The following POTEB3 variants were observed in gnomAD, a reference collection of about 807,000 sequenced individuals.
POTEB3 encodes the protein ANKRD26-like family B member 1.
POTEB3 carries 5 observed loss-of-function variants against 39.8 expected under a neutral mutation model. That is an observed-to-expected ratio of 0.13 (90% CI 0.07 to 0.26). The LOEUF is 0.26. POTEB3 is among the 10% of genes least tolerant of loss of function. POTEB3 has a pLI of 1.00. For missense variants in POTEB3, 24 were observed against 475.6 expected (o/e 0.05, Z 8.83); for synonymous variants, 5 against 161.5 (o/e 0.03, Z 7.35).
In POTEB3 at chr15:21,418,015, G is replaced by A. The variant is rs1441691193; in HGVS notation, c.1409+1449C>T. On this transcript the variant is annotated intron_variant, in intron 9 of 10. Transcript: ENST00000611217. ...TGTAAGTAAAGAATCTTGGAACGCAGCCATGCTTATTCACTTTACAGTCCA... is the reference window on the plus strand; with the variant it reads ...TGTAAGTAAAGAATCTTGGAACGCAACCATGCTTATTCACTTTACAGTCCA... 2.7e-4 allele frequency among the ~76,000 whole-genome samples: 28 copies of A among 103,616 alleles called. 1 individual carries two copies. In the East Asian group the frequency reaches 5.6e-3, roughly 21 times the overall value. 68.0% of individuals were successfully genotyped at this position (103,616 alleles called of 152,430 possible).
At chr15:21,422,683 A>G (rs1898553753) in intron 6 of POTEB3, among the ~76,000 whole-genome samples, 1 of 148,378 alleles carries the variant, frequency 6.7e-6, no homozygotes, top group Non-Finnish European at 1.5e-5. Context: ...AAGAAAACAA[A>G]TTCCTTTACC....
chr15:21,425,052 C>T (rs1465485955), intron 6 of POTEB3: 1 of 147,426 alleles, frequency 6.8e-6, no homozygotes, highest in African/African-American at 2.5e-5. Flanking sequence ...TCACCATGGG[C>T]AGGTGAAAAC....
At chr15:21,430,743 C>G (rs1220738067) in intron 4 of POTEB3, among the ~76,000 whole-genome samples, 2 of 151,284 alleles carry the variant, frequency 1.3e-5, no homozygotes, top group Non-Finnish European at 2.9e-5. Flanking sequence ...CTTCCCTAGA[C>G]TGATATGCTG....
At chr15:21,430,736 C>T (rs2141367465) in intron 4 of POTEB3, among the ~76,000 whole-genome samples, 1 of 151,394 alleles carries the variant, frequency 6.6e-6, no homozygotes, top group South Asian at 2.1e-4. Flanking sequence ...GTCACAGCTT[C>T]CCTAGACTGA....
rs1322583788 is a variant in POTEB3 at position 21,419,772 on chromosome 15, A to G, written c.1243-142T>C. 8 of 476,800 alleles carry G rather than the reference A, an allele frequency of 1.7e-5. 2 individuals carry two copies. The highest frequency in any genetic ancestry group is 3.7e-5 in the East Asian group (1 of 26,866). 29.5% of individuals were successfully genotyped at this position (476,800 alleles called of 1,614,324 possible). ...CACACTTAAATTTGATCATATATACAGAACTATAACCGTATAATTTTAAGA... is the reference window on the plus strand; with the variant it reads ...CACACTTAAATTTGATCATATATACGGAACTATAACCGTATAATTTTAAGA... On this transcript the variant is annotated intron_variant, in intron 8 of 10. Coordinates refer to ENST00000611217, the MANE Select transcript of POTEB3 (RefSeq NM_207355.5).
rs1442247995 is a variant in POTEB3 at position 21,433,534 on chromosome 15, T to A, written c.810+1127A>T. On this transcript the variant is annotated intron_variant, in intron 3 of 10. Transcript: ENST00000611217. ...CAACTCTAGCTGGAAGCTAGTGCAA[T>A]AGACAATTATTTCAGTCTCATCTCT... 6.6e-5 allele frequency among the ~76,000 whole-genome samples: 10 copies of A among 150,760 alleles called. No homozygotes were observed. The East Asian group carries it at 1.7e-3, about 26-fold the overall frequency.
At chr15:21,425,092 T>A (rs1353505159) in intron 6 of POTEB3, 1 of 145,106 alleles carries the variant, frequency 6.9e-6, no homozygotes, top group African/African-American at 2.6e-5. Flanking sequence ...AGTCCAAGGA[T>A]GTGTGACATG....
intron 3 of POTEB3, among the ~76,000 whole-genome samples, chr15:21,433,615 G>A (rs1463739857): frequency 6.7e-6 from 1 of 149,964 alleles, no homozygotes; most frequent in Non-Finnish European, 1.5e-5. Flanking sequence ...AGAGGAAAGA[G>A]TAGGAGAGAG....
At chr15:21,434,062 C>CA (rs1185818225) in intron 3 of POTEB3, among the ~76,000 whole-genome samples, 1 of 98,810 alleles carries the variant, frequency 1.0e-5, no homozygotes, top group South Asian at 2.6e-4. Context: ...CACACACACA[C>CA]ACAAACAAAA....
chr15:21,431,866 AAAAC>A, intron 3 of POTEB3, 21 bp from the exon 4 acceptor site: 1 of 1,504,692 alleles, frequency 6.6e-7, no homozygotes, highest in East Asian at 2.3e-5. Context: ...ATATAAAACA[AAAAC>A]AATATGTAAT....
rs1221311001 is a variant in POTEB3 at position 21,420,874 on chromosome 15, T to C, written c.1198-156A>G. Among the ~76,000 whole-genome samples the C allele has an allele frequency of 3.3e-5, 2 of 60,646 alleles. 1 individual carries two copies. The highest frequency in any genetic ancestry group is 6.7e-5 in the Non-Finnish European group (2 of 29,732). The allele number at this position is 60,646 out of a possible 152,430, so 39.8% of individuals were successfully genotyped here. ...TAAAATTTAACTTAAAATAATTAAA[T>C]AAATAAATAATTAAAATTAAGAATT... On this transcript the variant is annotated intron_variant, in intron 7 of 10. Transcript: ENST00000611217.
At chr15:21,423,174 C>A (rs1311191837) in intron 6 of POTEB3, among the ~76,000 whole-genome samples, 1 of 137,228 alleles carries the variant, frequency 7.3e-6, no homozygotes, top group Non-Finnish European at 1.6e-5. Flanking sequence ...AATCTCAGCT[C>A]ACTGCAACCT....
rs1255409116 is a variant in POTEB3 at position 21,417,991 on chromosome 15, G to T, written c.1409+1473C>A. Among the ~76,000 whole-genome samples, 67 of 104,018 alleles carry T rather than the reference G, an allele frequency of 6.4e-4. 13 individuals are homozygous for T. Among genetic ancestry groups the T allele is most frequent in the Non-Finnish European group, 1.0e-3 (56 of 55,698 alleles). The allele number at this position is 104,018 out of a possible 152,430, so 68.2% of individuals were successfully genotyped here. On this transcript the variant is annotated intron_variant, in intron 9 of 10. Transcript: ENST00000611217. ...CAAATCCAGGCCACTGACTGTTTTTGTAAGTAAAGAATCTTGGAACGCAGC... is the reference window on the plus strand; with the variant it reads ...CAAATCCAGGCCACTGACTGTTTTTTTAAGTAAAGAATCTTGGAACGCAGC...
chr15:21,425,747 T>C (rs1898670456), intron 6 of POTEB3, among the ~76,000 whole-genome samples: 1 of 151,492 alleles, frequency 6.6e-6, no homozygotes, highest in Non-Finnish European at 1.5e-5. Context: ...AAGCAGCCCT[T>C]GAAATGTTGT....
At chr15:21,415,177 T>C (rs1170543660) in intron 9 of POTEB3, among the ~76,000 whole-genome samples, 4 of 100,222 alleles carry the variant, frequency 4.0e-5, no homozygotes, top group African/African-American at 2.5e-4. Flanking sequence ...GAATAAATAG[T>C]GAATAACCAC....
At chr15:21,410,130 C>T (rs1285907411) in intron 10 of POTEB3, among the ~76,000 whole-genome samples, 1 of 90,386 alleles carries the variant, frequency 1.1e-5, no homozygotes, top group African/African-American at 9.3e-5. Context: ...TTTCAAAATA[C>T]AAATGATAAA....
intron 3 of POTEB3, among the ~76,000 whole-genome samples, chr15:21,433,185 T>C (rs1899043830): frequency 6.6e-6 from 1 of 151,206 alleles, no homozygotes; most frequent in African/African-American, 2.4e-5. Context: ...GTTTCTGAGA[T>C]ATAAGAATTT....
chr15:21,433,399 T>G (rs1366459851), intron 3 of POTEB3, among the ~76,000 whole-genome samples: 1 of 149,984 alleles, frequency 6.7e-6, no homozygotes, highest in South Asian at 2.1e-4. Context: ...CAAGGAAACA[T>G]TTTTAAACAT....
At chr15:21,430,935 T>C (rs1398874507) in intron 4 of POTEB3, among the ~76,000 whole-genome samples, 1 of 151,854 alleles carries the variant, frequency 6.6e-6, no homozygotes, top group African/African-American at 2.4e-5. Flanking sequence ...CAGCCAACTT[T>C]GAAGGATATA....
Sources: gnomAD v4.1 joint callset for allele counts (sites outside exome capture counted in the v4.1 genomes callset) on GRCh38, gnomAD v4.1.1 for gene constraint, MANE v1.5 for transcripts, NCBI Gene and HGNC (gene_info 2026-07-23, HGNC 2026-07-21) for gene names.